The following CENPL variants were observed in gnomAD, a reference collection of about 807,000 sequenced individuals.
CENPL encodes interphase centromere complex protein 33.
In CENPL, 20 loss-of-function variants were observed where a neutral mutation model predicts 35.2. That is an observed-to-expected ratio of 0.57 (90% CI 0.40 to 0.83). CENPL has a LOEUF of 0.83. Ranked by LOEUF, CENPL falls within the 40% of genes least tolerant of loss-of-function variation. The pLI is 0.00. For missense variants in CENPL, 363 were observed against 395.8 expected, an observed-to-expected ratio of 0.92 and a Z score of 0.70; for synonymous variants, 140 against 140.6, an observed-to-expected ratio of 1.00 and a Z score of 0.03.
chr1:173,805,214 C>G (rs1270382136), intron 4 of CENPL, among the ~76,000 whole-genome samples: 2 of 152,040 alleles, frequency 1.3e-5, no homozygotes, highest in South Asian at 2.1e-4. Context: ...ATTTTTCCTC[C>G]CACAATAAAA....
intron 2 of CENPL, among the ~76,000 whole-genome samples, chr1:173,816,499 G>C (rs981029002): frequency 6.6e-6 from 1 of 152,070 alleles, no homozygotes; most frequent in Non-Finnish European, 1.5e-5. Flanking sequence ...TAGACCAATG[G>C]AACAGAACAG....
chr1:173,806,450 G>A (rs1211552794), intron 4 of CENPL: 1 of 446,510 alleles, frequency 2.2e-6, no homozygotes. Context: ...CGAGTGTGGT[G>A]GCATGCACCT....
At chr1:173,816,115 C>T (rs1651350603) in intron 2 of CENPL, among the ~76,000 whole-genome samples, 1 of 152,292 alleles carries the variant, frequency 6.6e-6, no homozygotes, top group East Asian at 1.9e-4. Flanking sequence ...ACCTAGCAAT[C>T]CAACTTACAA....
chr1:173,805,066 C>T (rs979342800), intron 4 of CENPL, among the ~76,000 whole-genome samples: 10 of 152,180 alleles, frequency 6.6e-5, no homozygotes, highest in African/African-American at 2.4e-4. Context: ...ACTATTAGAA[C>T]ACTATACCAG....
At chr1:173,820,846 G>C (rs955714875) in intron 2 of CENPL, among the ~76,000 whole-genome samples, 1 of 152,132 alleles carries the variant, frequency 6.6e-6, no homozygotes, top group Non-Finnish European at 1.5e-5. Flanking sequence ...AAAGTTAAAG[G>C]AATGAAAACA....
At chr1:173,819,192 CCACCGAAT>C (rs1167953662) in intron 2 of CENPL, among the ~76,000 whole-genome samples, 1 of 151,824 alleles carries the variant, frequency 6.6e-6, no homozygotes, top group Non-Finnish European at 1.5e-5. Context: ...TGTGATCATG[CCACCGAAT>C]TCCAGCCTGG....
At chr1:173,816,004 T>G (rs1651336412) in intron 2 of CENPL, among the ~76,000 whole-genome samples, 1 of 152,160 alleles carries the variant, frequency 6.6e-6, no homozygotes, top group African/African-American at 2.4e-5. Context: ...GGATACAAAA[T>G]CAATGTGCAA....
intron 2 of CENPL, among the ~76,000 whole-genome samples, chr1:173,816,778 G>C (rs2102603618): frequency 6.6e-6 from 1 of 152,290 alleles, no homozygotes; most frequent in Non-Finnish European, 1.5e-5. Flanking sequence ...GCATGGGCAA[G>C]GACTTCATGA....
chr1:173,820,748 T>C (rs1480946807), intron 2 of CENPL, among the ~76,000 whole-genome samples: 2 of 152,148 alleles, frequency 1.3e-5, no homozygotes, highest in Non-Finnish European at 1.5e-5. Flanking sequence ...AAGAAACAAA[T>C]TATTGATACA....
intron 2 of CENPL, chr1:173,821,889 T>C: frequency 7.3e-6 from 1 of 136,632 alleles, no homozygotes; most frequent in Non-Finnish European, 1.5e-5. Context: ...CACTGCAGCC[T>C]CCACCTGCTG....
chr1:173,809,804 T>C (rs969122772), intron 3 of CENPL, among the ~76,000 whole-genome samples: 1 of 150,132 alleles, frequency 6.7e-6, no homozygotes, highest in Admixed American at 6.6e-5. Flanking sequence ...TATTACAAAG[T>C]AAAAAAACAA....
At chr1:173,812,952 A>G (rs1161805069) in intron 2 of CENPL, among the ~76,000 whole-genome samples, 1 of 152,216 alleles carries the variant, frequency 6.6e-6, no homozygotes, top group Non-Finnish European at 1.5e-5. Flanking sequence ...ATGGCTAACT[A>G]GAATAAACAG....
intron 2 of CENPL, among the ~76,000 whole-genome samples, chr1:173,817,907 G>C (rs1651563424): frequency 6.6e-6 from 1 of 152,110 alleles, no homozygotes; most frequent in Non-Finnish European, 1.5e-5. Context: ...CACAAGGACA[G>C]AACACCAAAC....
chr1:173,810,362 G>T (rs1199333432), intron 3 of CENPL, among the ~76,000 whole-genome samples: 3 of 152,110 alleles, frequency 2.0e-5, no homozygotes, highest in African/African-American at 7.2e-5. Context: ...GCCTGTCGGG[G>T]GTGGAGGGTG....
chr1:173,802,269 G>C (rs148215449), intron 5 of CENPL, among the ~76,000 whole-genome samples: 1 of 151,660 alleles, frequency 6.6e-6, no homozygotes, highest in African/African-American at 2.4e-5. Flanking sequence ...GCAGTGGCGC[G>C]ATCTCGGCTC....
At position 173,807,435 on chromosome 1, in the gene CENPL, G is replaced by C. The variant is rs1221461718; in HGVS notation, c.252C>G (p.Ser84=). The change falls in exon 4 of 6, where the codon TCC becomes TCG. Residue 84 remains serine, a synonymous_variant. Transcript: ENST00000682279. ...TAGAATACTCTTTGAGATTACTATA[G>C]GAGAATTTATATAAGGGAGTTAAAC... ...LYSLTPLYKF[S]YSNLKEYSRL... 4.3e-6 allele frequency: 7 copies of C among 1,610,190 alleles called. No homozygotes were observed. Among genetic ancestry groups the C allele is most frequent in the Admixed American group, 3.3e-5 (2 of 59,914 alleles).
intron 2 of CENPL, among the ~76,000 whole-genome samples, chr1:173,816,136 G>C (rs1415681834): frequency 6.6e-6 from 1 of 152,122 alleles, no homozygotes; most frequent in Non-Finnish European, 1.5e-5. Context: ...GGGATGTGAA[G>C]GATCTCTTCA....
intron 4 of CENPL, among the ~76,000 whole-genome samples, chr1:173,805,077 G>C (rs1453259034): frequency 3.9e-5 from 6 of 152,152 alleles, no homozygotes; most frequent in Admixed American, 1.3e-4. Context: ...ACTATACCAG[G>C]AATTCAAGAG....
chr1:173,824,504 A>C lies in CENPL; in HGVS notation c.-394T>G, dbSNP rs1233264260. The C allele has an allele frequency of 3.9e-5, 6 of 152,500 alleles. No individual in the cohort carries two copies. The highest frequency in any genetic ancestry group is 7.3e-5 in the Non-Finnish European group (5 of 68,192). 9.4% of individuals were successfully genotyped at this position (152,500 alleles called of 1,614,324 possible). A position where few individuals can be genotyped will look rare whatever the true frequency, so the allele number is the denominator to read the frequency against. ...TTTTAACTGAGGGCAAGGCCGAGCC[A>C]CTTAACCACTATCGTCAACCTTTCC... On this transcript the variant is annotated 5_prime_UTR_variant, in exon 1 of 6. Coordinates refer to ENST00000682279, the MANE Select transcript of CENPL (RefSeq NM_001387287.1).
Sources: gnomAD v4.1 joint callset for allele counts (sites outside exome capture counted in the v4.1 genomes callset) on GRCh38, gnomAD v4.1.1 for gene constraint, MANE v1.5 for transcripts, NCBI Gene and HGNC (gene_info 2026-07-23, HGNC 2026-07-21) for gene names.